GMDS: variants seen among roughly 807,000 people sequenced by gnomAD.
GMDS encodes GDP-mannose 4,6-dehydratase.
A neutral mutation model predicts 49.9 loss-of-function variants in GMDS; 20 were observed. The ratio of observed to expected loss-of-function variants is 0.40; its 90% CI spans 0.28 to 0.58. The LOEUF (loss-of-function observed/expected upper bound fraction) is 0.58. Ranked by LOEUF, GMDS falls within the 20% of genes least tolerant of loss-of-function variation. The pLI, the probability that GMDS is intolerant of heterozygous loss-of-function variation, is 0.42. For missense variants in GMDS, 362 were observed against 481.4 expected, an observed-to-expected ratio of 0.75 and a Z score of 2.32; for synonymous variants, 177 against 178.6, an observed-to-expected ratio of 0.99 and a Z score of 0.07.
intron 7 of GMDS, among the ~76,000 whole-genome samples, chr6:1,831,884 CT>C (rs1490050629): frequency 6.6e-6 from 1 of 152,118 alleles, no homozygotes; most frequent in East Asian, 1.9e-4. Flanking sequence ...CACTTTTACC[CT>C]CCCCATAAGA....
At chr6:1,854,482 C>A (rs543246685) in intron 7 of GMDS, among the ~76,000 whole-genome samples, 1 of 152,216 alleles carries the variant, frequency 6.6e-6, no homozygotes, top group African/African-American at 2.4e-5. Flanking sequence ...TGGTTTCCAA[C>A]TGGGAGTGAT....
intron 8 of GMDS, among the ~76,000 whole-genome samples, chr6:1,739,200 G>A (rs1376383625): frequency 1.3e-5 from 2 of 152,192 alleles, no homozygotes; most frequent in East Asian, 1.9e-4. Flanking sequence ...AAAGAGGAGC[G>A]TCTTGGGTCA....
chr6:1,774,326 C>T (rs1438266352), intron 7 of GMDS, among the ~76,000 whole-genome samples: 1 of 152,212 alleles, frequency 6.6e-6, no homozygotes. Context: ...GAAATCACAG[C>T]ATCTATCATA....
intron 1 of GMDS, among the ~76,000 whole-genome samples, chr6:2,184,294 C>A (rs528834146): frequency 6.6e-6 from 1 of 152,192 alleles, no homozygotes; most frequent in Non-Finnish European, 1.5e-5. Flanking sequence ...TCAAACCACA[C>A]GTGAGACACC....
At chr6:2,142,231 C>G (rs1392718149) in intron 1 of GMDS, among the ~76,000 whole-genome samples, 1 of 152,072 alleles carries the variant, frequency 6.6e-6, no homozygotes, top group Non-Finnish European at 1.5e-5. Flanking sequence ...ACAACAATAC[C>G]TGGCAAAAGC....
chr6:1,946,145 C>T lies in GMDS; in HGVS notation c.643+13722G>A, dbSNP rs181599911. On this transcript the variant is annotated intron_variant, in intron 6 of 10. Transcript: ENST00000380815. ...ATGAAAAATAAGGAAAGGAAAGAAG[C>T]AACAAAAAGTCAAACAGGAAGAATG... is the stretch of plus-strand genomic sequence containing the variant. 4.9e-4 allele frequency among the ~76,000 whole-genome samples: 74 copies of T among 152,084 alleles called. 1 individual carries two copies. Among genetic ancestry groups the T allele is most frequent in the African/African-American group, 1.7e-3 (71 of 41,484 alleles).
intron 7 of GMDS, among the ~76,000 whole-genome samples, chr6:1,785,402 T>C (rs1251014998): frequency 6.6e-6 from 1 of 152,166 alleles, no homozygotes; most frequent in Non-Finnish European, 1.5e-5. Context: ...TGGTCATGAA[T>C]TCTTTGGGCC....
At chr6:1,674,556 C>CTTTT (rs1764539978) in intron 9 of GMDS, among the ~76,000 whole-genome samples, 1 of 85,280 alleles carries the variant, frequency 1.2e-5, no homozygotes, top group African/African-American at 3.7e-5. Context: ...CTCTCTCTCT[C>CTTTT]TCTCTTTTTT....
At chr6:2,225,582 T>C (rs188067185) in intron 1 of GMDS, among the ~76,000 whole-genome samples, 3 of 152,280 alleles carry the variant, frequency 2.0e-5, no homozygotes, top group East Asian at 1.9e-4. Context: ...TGCCAACCCT[T>C]AGATTTTCCG....
chr6:1,723,137 T>A (rs1006531021), intron 9 of GMDS, among the ~76,000 whole-genome samples: 11 of 152,136 alleles, frequency 7.2e-5, no homozygotes, highest in African/African-American at 2.4e-4. Flanking sequence ...AACTACGCCC[T>A]CTATGGAACC....
intron 4 of GMDS, among the ~76,000 whole-genome samples, chr6:2,096,073 G>A (rs1341031508): frequency 6.6e-6 from 1 of 152,128 alleles, no homozygotes; most frequent in East Asian, 1.9e-4. Context: ...ACAAAGGATA[G>A]GAAGAGGCAT....
chr6:2,113,955 A>G (rs1017902707), intron 4 of GMDS, among the ~76,000 whole-genome samples: 4 of 152,214 alleles, frequency 2.6e-5, no homozygotes, highest in African/African-American at 9.6e-5. Context: ...ATGTGTAGCA[A>G]TGTAGAGGGA....
intron 4 of GMDS, among the ~76,000 whole-genome samples, chr6:1,974,309 G>T (rs1399903611): frequency 6.6e-6 from 1 of 152,124 alleles, no homozygotes; most frequent in Non-Finnish European, 1.5e-5. Context: ...GTGATACACT[G>T]GCAAGCAAAA....
Position 1,670,360 on chromosome 6 carries a change from GTTTT to G in GMDS, c.988-45824_988-45821del, listed in dbSNP as rs1223741664. Reference sequence around the variant, plus strand: ...CTACTTCAAAATCAAGTGTTTCTGGGTTTTTTTTGGTTTTTTTTTTTTTTCACCT... The same window carrying G: ...CTACTTCAAAATCAAGTGTTTCTGGGTTTTGGTTTTTTTTTTTTTTCACCT... On this transcript the variant is annotated intron_variant, in intron 9 of 10. Transcript: ENST00000380815. Among the ~76,000 whole-genome samples, 4 of 146,508 alleles carry G rather than the reference GTTTT, an allele frequency of 2.7e-5. No individual in the cohort carries two copies. In the East Asian group the frequency reaches 5.9e-4, roughly 22 times the overall value.
chr6:1,830,366 A>G (rs1299285990), intron 7 of GMDS, among the ~76,000 whole-genome samples: 2 of 152,232 alleles, frequency 1.3e-5, no homozygotes, highest in Non-Finnish European at 2.9e-5. Context: ...TATCAAGACC[A>G]TTCCCCCAGT....
chr6:1,962,559 C>T (rs762675344), intron 4 of GMDS, among the ~76,000 whole-genome samples: 21 of 152,170 alleles, frequency 1.4e-4, no homozygotes, highest in Admixed American at 5.2e-4. Context: ...CATAGACTTG[C>T]TGTGGTCTTT....
chr6:2,207,042 T>C (rs951978425), intron 1 of GMDS, among the ~76,000 whole-genome samples: 1 of 152,216 alleles, frequency 6.6e-6, no homozygotes, highest in African/African-American at 2.4e-5. Context: ...CATGAAAACA[T>C]AAGCTTTACT....
At chr6:1,939,926 T>C (rs1762738373) in intron 6 of GMDS, among the ~76,000 whole-genome samples, 1 of 152,138 alleles carries the variant, frequency 6.6e-6, no homozygotes, top group African/African-American at 2.4e-5. Flanking sequence ...GAAGAAACCC[T>C]ATGGGAGGTT....
intron 9 of GMDS, among the ~76,000 whole-genome samples, chr6:1,692,008 CCT>C (rs1765189854): frequency 6.6e-6 from 1 of 152,072 alleles, no homozygotes; most frequent in Non-Finnish European, 1.5e-5. Flanking sequence ...GCAGACCCAC[CCT>C]CAGTCTGGGT....
Sources: allele counts gnomAD v4.1 joint callset (sites outside exome capture counted in the v4.1 genomes callset), GRCh38; gene constraint gnomAD v4.1.1; transcripts MANE v1.5; gene names NCBI Gene and HGNC (gene_info 2026-07-23, HGNC 2026-07-21).